PTPRT: variants seen among roughly 807,000 people sequenced by gnomAD.
PTPRT encodes the protein receptor-type tyrosine-protein phosphatase T.
A neutral mutation model predicts 176.8 loss-of-function variants in PTPRT; 56 were observed. The ratio of observed to expected loss-of-function variants is 0.32; its 90% CI spans 0.26 to 0.40. The LOEUF is 0.40. PTPRT is among the 10% of genes least tolerant of loss of function. PTPRT has a pLI of 1.00. For synonymous variants in PTPRT, 783 were observed against 739.0 expected (o/e 1.06, Z -0.96); for missense variants, 1,540 against 1,908.2 (o/e 0.81, Z 3.60).
intron 9 of PTPRT, among the ~76,000 whole-genome samples, chr20:42,445,426 A>G (rs1377826421): frequency 1.3e-5 from 2 of 152,228 alleles, no homozygotes; most frequent in Non-Finnish European, 2.9e-5. Context: ...AAGGTCACAG[A>G]GCAAGTAAAT....
At chr20:43,047,499 T>TG (rs1379005928) in intron 1 of PTPRT, among the ~76,000 whole-genome samples, 2 of 152,064 alleles carry the variant, frequency 1.3e-5, no homozygotes, top group Non-Finnish European at 2.9e-5. Flanking sequence ...CATTCACTCT[T>TG]GGGGGGCAGG....
chr20:42,583,670 C>T (rs992435764), intron 7 of PTPRT, among the ~76,000 whole-genome samples: 3 of 152,096 alleles, frequency 2.0e-5, no homozygotes, highest in Admixed American at 6.6e-5. Flanking sequence ...TCTCATTCAT[C>T]GATATTCTCA....
At chr20:42,048,753 G>C in the PTPRT span, among the ~76,000 whole-genome samples, 5 of 152,138 alleles carry the variant, frequency 3.3e-5, no homozygotes, top group Non-Finnish European at 7.4e-5. Flanking sequence ...CCTCTGACCT[G>C]TATTAATTGC....
intron 1 of PTPRT, among the ~76,000 whole-genome samples, chr20:43,093,619 C>A (rs2011979933): frequency 6.6e-6 from 1 of 152,210 alleles, no homozygotes; most frequent in Non-Finnish European, 1.5e-5. Context: ...GATCTATTTT[C>A]CAAGAGCAGC....
chr20:42,510,816 T>A (rs2071941449), intron 7 of PTPRT, among the ~76,000 whole-genome samples: 1 of 152,126 alleles, frequency 6.6e-6, no homozygotes. Flanking sequence ...AATAAAAATT[T>A]AAAATGTAAA....
intron 7 of PTPRT, among the ~76,000 whole-genome samples, chr20:42,600,340 G>A (rs1031594343): frequency 3.9e-5 from 6 of 152,042 alleles, no homozygotes; most frequent in Admixed American, 6.6e-5. Context: ...GGGTTTCACC[G>A]CGTTGGCGAA....
At position 42,116,224 on chromosome 20, in the gene PTPRT, TTC is replaced by T. The variant is rs1987276132; in HGVS notation, c.2983-911_2983-910del. Reference sequence around the variant, plus strand: ...CAGCTTTGCTACAGGACTATTCAGCTTCTTTCTCATGCTAGTGCTAATGTGTT... The same window carrying T: ...CAGCTTTGCTACAGGACTATTCAGCTTTTCTCATGCTAGTGCTAATGTGTT... On this transcript the variant is annotated intron_variant, in intron 21 of 30. Coordinates refer to ENST00000373187, the MANE Select transcript of PTPRT (RefSeq NM_007050.6). 4 of 627,264 alleles carry T rather than the reference TTC, an allele frequency of 6.4e-6. No homozygotes were observed. In the South Asian group the frequency reaches 7.5e-5, roughly 12 times the overall value. The allele number at this position is 627,264 out of a possible 1,614,324, so 38.9% of individuals were successfully genotyped here.
chr20:42,488,679 C>G (rs2071504996), intron 7 of PTPRT, among the ~76,000 whole-genome samples: 1 of 151,742 alleles, frequency 6.6e-6, no homozygotes, highest in Non-Finnish European at 1.5e-5. Flanking sequence ...TAAAATCAAC[C>G]AAGTGCCAGG....
chr20:42,450,806 A>G (rs2070814433), intron 8 of PTPRT, among the ~76,000 whole-genome samples: 1 of 152,240 alleles, frequency 6.6e-6, no homozygotes, highest in African/African-American at 2.4e-5. Flanking sequence ...AGATGTAGTC[A>G]AATCCATGGT....
chr20:42,376,779 G>A (rs758657187), intron 9 of PTPRT, among the ~76,000 whole-genome samples: 1 of 152,146 alleles, frequency 6.6e-6, no homozygotes, highest in African/African-American at 2.4e-5. Flanking sequence ...AGCCTGGGGA[G>A]TACGAAAAAA....
intron 6 of PTPRT, among the ~76,000 whole-genome samples, chr20:42,697,600 T>G (rs2075902485): frequency 6.6e-6 from 1 of 152,202 alleles, no homozygotes; most frequent in Non-Finnish European, 1.5e-5. Context: ...GCAAGGATTG[T>G]TAATTCAAAT....
intron 7 of PTPRT, among the ~76,000 whole-genome samples, chr20:42,563,250 C>A (rs1472652719): frequency 2.0e-5 from 3 of 151,954 alleles, no homozygotes; most frequent in African/African-American, 4.8e-5. Flanking sequence ...AAAGAAGTAG[C>A]AACTGGTAAT....
At chr20:43,073,509 C>CGTGTGTATATATATACATAGGT in intron 1 of PTPRT, among the ~76,000 whole-genome samples, 1 of 150,726 alleles carries the variant, frequency 6.6e-6, no homozygotes, top group Non-Finnish European at 1.5e-5. Context: ...GCTATACACA[C>CGTGTGTATATATATACATAGGT]GTGTGTATAT....
In PTPRT at chr20:43,094,094, T is replaced by TC. The variant is rs34413366; in HGVS notation, c.88+95551_88+95552insG. ...CTGTTTTTTTCTTTCTTTCTTTCTT[T>TC]TTTTTTTTTTTTTTGACGGAGTCTT... On this transcript the variant is annotated intron_variant, in intron 1 of 30. Transcript: ENST00000373187. Among the ~76,000 whole-genome samples the TC allele has an allele frequency of 8.9e-3, 1,124 of 126,024 alleles. 10 individuals are homozygous for TC. Among genetic ancestry groups the TC allele is most frequent in the African/African-American group, 0.031 (963 of 31,330 alleles). 82.7% of individuals were successfully genotyped at this position (126,024 alleles called of 152,430 possible).
intron 1 of PTPRT, among the ~76,000 whole-genome samples, chr20:43,021,041 C>A (rs1054241415): frequency 6.6e-6 from 1 of 152,184 alleles, no homozygotes; most frequent in African/African-American, 2.4e-5. Context: ...TACACAGAAA[C>A]TGCTTACCCA....
chr20:43,148,116 G>T (rs949089974), intron 1 of PTPRT, among the ~76,000 whole-genome samples: 10 of 152,210 alleles, frequency 6.6e-5, no homozygotes, highest in Admixed American at 1.3e-4. Context: ...TGGGCTGGTT[G>T]GGTGGGGGGA....
intron 3 of PTPRT, among the ~76,000 whole-genome samples, chr20:42,786,207 A>ATTC (rs2077288328): frequency 6.6e-6 from 1 of 152,164 alleles, no homozygotes; most frequent in Non-Finnish European, 1.5e-5. Flanking sequence ...TTCTTTATAA[A>ATTC]TTACCCAGTC....
Position 42,098,578 on chromosome 20 carries a change from G to A in PTPRT, c.3715-26C>T, listed in dbSNP as rs149444172. 8.1e-4 allele frequency: 1,303 copies of A among 1,613,304 alleles called. 5 individuals carry two copies. Among genetic ancestry groups the A allele is most frequent in the Middle Eastern group, 2.5e-3 (15 of 6,042 alleles). ...CTGACAAAGGAATGACACAGGCTTCGTAAATTACACATCCATCAGTGATAT... is the reference window on the plus strand; with the variant it reads ...CTGACAAAGGAATGACACAGGCTTCATAAATTACACATCCATCAGTGATAT... On this transcript the variant is annotated intron_variant, in intron 26 of 30. Coordinates refer to ENST00000373187, the MANE Select transcript of PTPRT (RefSeq NM_007050.6).
chr20:42,650,116 G>C (rs1352281308), intron 7 of PTPRT, among the ~76,000 whole-genome samples: 1 of 152,148 alleles, frequency 6.6e-6, no homozygotes, highest in Non-Finnish European at 1.5e-5. Context: ...TCCCATCTCA[G>C]GAAGTAAGAA....
Sources: allele counts gnomAD v4.1 joint callset (sites outside exome capture counted in the v4.1 genomes callset), GRCh38; gene constraint gnomAD v4.1.1; transcripts MANE v1.5; gene names NCBI Gene and HGNC (gene_info 2026-07-23, HGNC 2026-07-21).